The following HOMER2 variants were observed in gnomAD, a reference collection of about 807,000 sequenced individuals.
HOMER2 encodes the protein homer scaffold protein 2.
Under a neutral mutation model 47.0 loss-of-function variants are expected in HOMER2, and 27 were observed. That is an observed-to-expected ratio of 0.57 (90% CI 0.42 to 0.79). The LOEUF (loss-of-function observed/expected upper bound fraction) is 0.79, where lower values mean the gene tolerates loss of function less well. HOMER2 is among the 30% of genes least tolerant of loss of function. HOMER2 has a pLI of 0.00. For synonymous variants in HOMER2, 161 were observed against 163.8 expected (o/e 0.98, Z 0.13); for missense variants, 443 against 435.0 (o/e 1.02, Z -0.16).
chr15:82,855,384 C>CTAGG (rs1183468747), intron 5 of HOMER2, among the ~76,000 whole-genome samples: 2 of 146,042 alleles, frequency 1.4e-5, no homozygotes, highest in Admixed American at 1.4e-4. Flanking sequence ...AGAGACAAAG[C>CTAGG]TAGGCATGAG....
intron 6 of HOMER2, among the ~76,000 whole-genome samples, 157 bp downstream of exon 6, chr15:82,854,487 G>C (rs1415896433): frequency 6.6e-6 from 1 of 152,190 alleles, no homozygotes; most frequent in African/African-American, 2.4e-5. Flanking sequence ...GAAAGGCAGG[G>C]AGGGGGAGGG....
At chr15:82,954,132 G>C (rs986735971), upstream of HOMER2, among the ~76,000 whole-genome samples, 2 of 152,064 alleles carry the variant, frequency 1.3e-5, no homozygotes, top group African/African-American at 4.8e-5. Context: ...AATCTTGGGA[G>C]TTTCCAAATC....
At chr15:82,871,027 T>A (rs1353759196) in intron 3 of HOMER2, among the ~76,000 whole-genome samples, 1 of 152,386 alleles carries the variant, frequency 6.6e-6, no homozygotes, top group South Asian at 2.1e-4. Flanking sequence ...TCTCCTTTCA[T>A]AAGCTCTTCC....
intron 1 of HOMER2, among the ~76,000 whole-genome samples, chr15:82,918,353 G>C (rs1220724098): frequency 6.6e-6 from 1 of 152,104 alleles, no homozygotes; most frequent in Non-Finnish European, 1.5e-5. Flanking sequence ...GGATCCTCTA[G>C]AGCAGGCAGA....
At chr15:82,878,357 C>T (rs902738870) in intron 2 of HOMER2, among the ~76,000 whole-genome samples, 40 of 152,074 alleles carry the variant, frequency 2.6e-4, no homozygotes, top group African/African-American at 8.9e-4. Flanking sequence ...TTTCAGATGG[C>T]GAAACTGAGG....
intron 1 of HOMER2, among the ~76,000 whole-genome samples, chr15:82,976,317 G>T (rs565240125): frequency 4.0e-5 from 6 of 151,206 alleles, no homozygotes; most frequent in Middle Eastern, 3.2e-3. Flanking sequence ...ATTTATTTTT[G>T]AGACGGAGTC....
exon 2 of HOMER2, chr15:82,839,625 T>C (rs2051156636): frequency 6.6e-6 from 1 of 152,076 alleles, no homozygotes; most frequent in Non-Finnish European, 1.5e-5. Flanking sequence ...CCCTTAAATA[T>C]AAAAAGATCA....
At chr15:82,889,297 T>A (rs2052637190) in intron 2 of HOMER2, among the ~76,000 whole-genome samples, 1 of 149,378 alleles carries the variant, frequency 6.7e-6, no homozygotes, top group South Asian at 2.1e-4. Flanking sequence ...CCAGCCCAGG[T>A]GCATCCATTC....
chr15:82,908,735 T>C (rs1261400808), intron 1 of HOMER2, among the ~76,000 whole-genome samples: 1 of 145,928 alleles, frequency 6.9e-6, no homozygotes, highest in Non-Finnish European at 1.5e-5. Context: ...GTCAGCTGTT[T>C]TGCTTTTTTT....
Position 82,854,530 on chromosome 15 carries a change from C to T in HOMER2, c.651+114G>A. ...CATGGGAGAGGCAGCAAGTCTTCCT[C>T]TGGCCATGGGGATAAGGGCAAAGTT... On this transcript the variant is annotated intron_variant, in intron 6 of 8. Coordinates refer to ENST00000450735, the MANE Select transcript of HOMER2 (RefSeq NM_004839.4). 3 of 1,089,914 alleles carry T rather than the reference C, an allele frequency of 2.8e-6. No individual in the cohort carries two copies. The South Asian group carries it at 5.1e-5, about 19-fold the overall frequency. The allele number at this position is 1,089,914 out of a possible 1,614,324, so 67.5% of individuals were successfully genotyped here.
intron 1 of HOMER2, among the ~76,000 whole-genome samples, chr15:82,976,940 T>G (rs1420313619): frequency 6.6e-6 from 1 of 152,080 alleles, no homozygotes; most frequent in Non-Finnish European, 1.5e-5. Context: ...CCTCCCAAAG[T>G]GCTGGGATTA....
At chr15:82,856,912 G>C (rs2051605875) in intron 5 of HOMER2, among the ~76,000 whole-genome samples, 1 of 152,186 alleles carries the variant, frequency 6.6e-6, no homozygotes, top group Non-Finnish European at 1.5e-5. Flanking sequence ...TGGAACACGG[G>C]CCATGTGAGG....
At chr15:82,959,000 T>C (rs941129737) in exon 2 of HOMER2, 10 of 152,440 alleles carry the variant, frequency 6.6e-5, no homozygotes, top group African/African-American at 1.9e-4. Context: ...TCTCCTCCAC[T>C]AGACTATGGT....
At chr15:82,836,841 G>C (rs879286507), downstream of HOMER2, 1 of 152,296 alleles carries the variant, frequency 6.6e-6, no homozygotes. Context: ...CCACGTAGTT[G>C]AGTGGATTTA....
At chr15:82,921,315 C>T (rs1393895273) in intron 1 of HOMER2, among the ~76,000 whole-genome samples, 1 of 152,094 alleles carries the variant, frequency 6.6e-6, no homozygotes, top group Non-Finnish European at 1.5e-5. Flanking sequence ...CCTCATGTGC[C>T]ACTGTGCAGG....
At chr15:82,861,400 T>C (rs1371304641) in intron 4 of HOMER2, among the ~76,000 whole-genome samples, 2 of 152,140 alleles carry the variant, frequency 1.3e-5, no homozygotes, top group Non-Finnish European at 2.9e-5. Flanking sequence ...GGAATAATCA[T>C]GACATAAAGT....
chr15:82,866,263 G>A (rs142633895), intron 3 of HOMER2, among the ~76,000 whole-genome samples: 45 of 152,326 alleles, frequency 3.0e-4, no homozygotes, highest in African/African-American at 1.0e-3. Flanking sequence ...AGATTTGACT[G>A]CCCTGCTGGA....
chr15:82,962,722 G>T (rs1048762914), intron 1 of HOMER2, among the ~76,000 whole-genome samples: 11 of 151,884 alleles, frequency 7.2e-5, no homozygotes, highest in Admixed American at 6.6e-5. Context: ...TTCACTTTTT[G>T]TTCCTAATTC....
At chr15:82,861,603 G>A (rs2051792259) in intron 4 of HOMER2, among the ~76,000 whole-genome samples, 1 of 152,162 alleles carries the variant, frequency 6.6e-6, no homozygotes, top group Non-Finnish European at 1.5e-5. Context: ...CATTTTAAGT[G>A]TTTTTGTAAT....
Sources: gnomAD v4.1 joint callset for allele counts (sites outside exome capture counted in the v4.1 genomes callset) on GRCh38, gnomAD v4.1.1 for gene constraint, MANE v1.5 for transcripts, NCBI Gene and HGNC (gene_info 2026-07-23, HGNC 2026-07-21) for gene names.